GSG1L: variants seen among roughly 807,000 people sequenced by gnomAD.
GSG1L encodes germ cell-specific gene 1-like protein.
A neutral mutation model predicts 42.1 loss-of-function variants in GSG1L; 24 were observed. The observed-to-expected ratio is 0.57, with a 90% CI of 0.41 to 0.80. GSG1L has a LOEUF of 0.80. GSG1L is among the 30% of genes least tolerant of loss of function. GSG1L has a pLI of 0.00. For missense variants in GSG1L, 445 were observed against 472.2 expected (o/e 0.94, Z 0.53); for synonymous variants, 215 against 203.5 (o/e 1.06, Z -0.48).
At chr16:27,995,883 AACAC>A (rs3033625) in intron 1 of GSG1L, among the ~76,000 whole-genome samples, 3,294 of 145,006 alleles carry the variant, frequency 0.023, 70 homozygotes, top group East Asian at 0.13. Context: ...TACTGATTAA[AACAC>A]ACACACACAC....
chr16:28,017,013 G>C (rs146445556), intron 1 of GSG1L, among the ~76,000 whole-genome samples: 1 of 152,248 alleles, frequency 6.6e-6, no homozygotes, highest in Non-Finnish European at 1.5e-5. Context: ...CCAAGGGAGA[G>C]AGATTGGATG....
intron 1 of GSG1L, among the ~76,000 whole-genome samples, chr16:28,031,867 A>G (rs924201369): frequency 6.6e-6 from 1 of 152,250 alleles, no homozygotes; most frequent in Non-Finnish European, 1.5e-5. Flanking sequence ...GGGGCCTGAG[A>G]GCAGCCACTC....
intron 2 of GSG1L, among the ~76,000 whole-genome samples, chr16:27,947,368 GAGAAAGAAAGAAAGAAAAAGAA>G (rs1567530481): frequency 8.9e-6 from 1 of 112,708 alleles, no homozygotes; most frequent in Non-Finnish European, 1.8e-5. Context: ...AGGAGGAGGA[GAGAAAGAAAGAAAGAAAAAGAA>G]AGAAAGAAAG....
chr16:27,809,199 C>T (rs1283675318), intron 5 of GSG1L, among the ~76,000 whole-genome samples: 1 of 152,026 alleles, frequency 6.6e-6, no homozygotes, highest in Non-Finnish European at 1.5e-5. Context: ...TCAAGACCAG[C>T]CCAGGCAACA....
rs567874485 is a variant in GSG1L, at chr16:27,929,716, A to T, written c.397+33440T>A. 6.6e-5 allele frequency among the ~76,000 whole-genome samples: 10 copies of T among 152,296 alleles called. 1 individual carries two copies. The South Asian group carries it at 2.1e-3, about 32-fold the overall frequency. ...TCTTTTATTTGTGGTTTGGAAAAGTATTAACTGATGCTGCTGTTACTGATA... is the reference window on the plus strand; with the variant it reads ...TCTTTTATTTGTGGTTTGGAAAAGTTTTAACTGATGCTGCTGTTACTGATA... On this transcript the variant is annotated intron_variant, in intron 2 of 6. Transcript: ENST00000447459.
intron 1 of GSG1L, among the ~76,000 whole-genome samples, chr16:28,007,971 G>T (rs952305238): frequency 1.3e-5 from 2 of 152,196 alleles, no homozygotes; most frequent in Non-Finnish European, 2.9e-5. Context: ...GGTGTTAAGT[G>T]AAAGTACTAT....
chr16:27,943,860 C>T (rs911502421), intron 2 of GSG1L, among the ~76,000 whole-genome samples: 1 of 152,116 alleles, frequency 6.6e-6, no homozygotes, highest in African/African-American at 2.4e-5. Flanking sequence ...CAGGTGTAAG[C>T]CACCATGCCC....
rs143268294 is a variant in GSG1L at position 27,989,402 on chromosome 16, C to T, written c.350-26199G>A. Among the ~76,000 whole-genome samples the T allele has an allele frequency of 2.0e-3, 311 of 152,228 alleles. 4 individuals carry two copies. The highest frequency in any genetic ancestry group is 7.3e-3 in the African/African-American group (302 of 41,564). Reference sequence around the variant, plus strand: ...AACTAACTTAGACATAACAAATAGGCCCCTGAAAGGCCAAGAGAGATATAC... The same window carrying T: ...AACTAACTTAGACATAACAAATAGGTCCCTGAAAGGCCAAGAGAGATATAC... On this transcript the variant is annotated intron_variant, in intron 1 of 6. Coordinates refer to ENST00000447459, the MANE Select transcript of GSG1L (RefSeq NM_001109763.2).
intron 4 of GSG1L, among the ~76,000 whole-genome samples, chr16:27,837,538 A>G (rs541586026): frequency 6.6e-6 from 1 of 152,166 alleles, no homozygotes; most frequent in Non-Finnish European, 1.5e-5. Context: ...CACTGACACC[A>G]TGGGGAGGGA....
intron 2 of GSG1L, among the ~76,000 whole-genome samples, chr16:27,906,057 T>C (rs2084318378): frequency 6.6e-6 from 1 of 152,140 alleles, no homozygotes; most frequent in South Asian, 2.1e-4. Context: ...CACGGGAATA[T>C]ACAAGTTGGA....
intron 2 of GSG1L, among the ~76,000 whole-genome samples, chr16:27,960,553 C>T (rs984403066): frequency 1.3e-5 from 2 of 152,046 alleles, no homozygotes; most frequent in Admixed American, 6.6e-5. Context: ...CATCCAACCC[C>T]GCACACTTGT....
intron 1 of GSG1L, among the ~76,000 whole-genome samples, chr16:28,001,159 A>G (rs2085574566): frequency 2.6e-5 from 4 of 152,150 alleles, no homozygotes. Context: ...CTGGTTAGCC[A>G]TTTCTGTTTG....
At chr16:27,803,387 G>T (rs1230395528) in intron 6 of GSG1L, among the ~76,000 whole-genome samples, 1 of 152,094 alleles carries the variant, frequency 6.6e-6, no homozygotes, top group South Asian at 2.1e-4. Context: ...GGATGGCTCA[G>T]ATACATATGC....
rs71140935 is a variant in GSG1L, at chr16:27,973,439, C to CAAAAAAAA, written c.350-10244_350-10237dup. Among the ~76,000 whole-genome samples, 208 of 29,854 alleles carry CAAAAAAAA rather than the reference C, an allele frequency of 7.0e-3. 25 individuals carry two copies. The highest frequency in any genetic ancestry group is 0.018 in the East Asian group (13 of 738). 19.6% of individuals were successfully genotyped at this position (29,854 alleles called of 152,430 possible). On this transcript the variant is annotated intron_variant, in intron 1 of 6. Transcript: ENST00000447459. ...AGCCTGGGCAATAAAGACCCCATCA[C>CAAAAAAAA]AAAAAAAAAAAAAAAAAAAAAAAAA...
intron 5 of GSG1L, 45 bp downstream of exon 5, chr16:27,828,744 T>C (rs1254090047): frequency 1.9e-6 from 3 of 1,584,950 alleles, no homozygotes; most frequent in African/African-American, 1.3e-5. Flanking sequence ...GGCCGTGGGC[T>C]TTAGAGTCCC....
chr16:27,798,857 T>G (rs939617142), intron 6 of GSG1L, among the ~76,000 whole-genome samples: 1 of 152,058 alleles, frequency 6.6e-6, no homozygotes, highest in Admixed American at 6.5e-5. Flanking sequence ...TCAGACAGGC[T>G]TGTGACCCCA....
At chr16:27,982,744 C>T (rs2085338652) in intron 1 of GSG1L, among the ~76,000 whole-genome samples, 2 of 152,090 alleles carry the variant, frequency 1.3e-5, no homozygotes, top group African/African-American at 2.4e-5. Flanking sequence ...GGGGAGTAGG[C>T]GTATCACATG....
chr16:27,913,277 C>T (rs903242310), intron 2 of GSG1L, among the ~76,000 whole-genome samples: 3 of 151,954 alleles, frequency 2.0e-5, no homozygotes, highest in South Asian at 2.1e-4. Context: ...TAACTTGTCG[C>T]GAAACTGAAC....
chr16:28,029,202 C>T (rs1305502862), intron 1 of GSG1L, among the ~76,000 whole-genome samples: 2 of 152,082 alleles, frequency 1.3e-5, no homozygotes, highest in Non-Finnish European at 2.9e-5. Context: ...AAAGAAGGGT[C>T]CTAAGAAACA....
Sources: allele counts gnomAD v4.1 joint callset (sites outside exome capture counted in the v4.1 genomes callset), GRCh38; gene constraint gnomAD v4.1.1; transcripts MANE v1.5; gene names NCBI Gene and HGNC (gene_info 2026-07-23, HGNC 2026-07-21).